The following GABRG3 variants were observed in gnomAD, a reference collection of about 807,000 sequenced individuals.
The protein encoded by GABRG3 is gamma-aminobutyric acid receptor subunit gamma-3.
GABRG3 carries 25 observed loss-of-function variants against 48.8 expected under a neutral mutation model. That is an observed-to-expected ratio of 0.51 (90% CI 0.37 to 0.72). The LOEUF is 0.72. Among genes scored for constraint, GABRG3 ranks in the 30% least tolerant of loss-of-function variants. The pLI is 0.00. For missense variants in GABRG3, 394 were observed against 577.9 expected (o/e 0.68, Z 3.26); for synonymous variants, 227 against 217.6 (o/e 1.04, Z -0.38).
chr15:27,246,587 AT>A (rs1007992673), intron 3 of GABRG3, among the ~76,000 whole-genome samples: 5 of 151,832 alleles, frequency 3.3e-5, no homozygotes, highest in Admixed American at 1.3e-4. Context: ...CTTAGCTTAA[AT>A]TTTTTTTTAT....
chr15:27,022,944 A>C (rs1895923665), intron 2 of GABRG3, among the ~76,000 whole-genome samples: 1 of 152,180 alleles, frequency 6.6e-6, no homozygotes, highest in African/African-American at 2.4e-5. Flanking sequence ...GGACCACCTC[A>C]ATCCATCAAC....
intron 3 of GABRG3, among the ~76,000 whole-genome samples, chr15:27,211,009 C>T (rs903649562): frequency 3.3e-5 from 5 of 152,130 alleles, no homozygotes; most frequent in Non-Finnish European, 5.9e-5. Flanking sequence ...AGAGAAATAT[C>T]AGAATTATCA....
intron 5 of GABRG3, among the ~76,000 whole-genome samples, chr15:27,356,086 T>C (rs985112607): frequency 9.9e-5 from 15 of 152,192 alleles, no homozygotes; most frequent in Non-Finnish European, 1.6e-4. Flanking sequence ...ACCTTTATAG[T>C]ATGTGAATTA....
At chr15:27,139,979 C>T (rs1898074771) in intron 3 of GABRG3, among the ~76,000 whole-genome samples, 1 of 152,206 alleles carries the variant, frequency 6.6e-6, no homozygotes, top group Non-Finnish European at 1.5e-5. Context: ...GTTCAGAGAG[C>T]TTCCGGACAG....
At chr15:27,161,015 C>T (rs1157841829) in intron 3 of GABRG3, 4 of 151,994 alleles carry the variant, frequency 2.6e-5, no homozygotes, top group Non-Finnish European at 4.4e-5. Flanking sequence ...GGGGCTGGTG[C>T]ACCCACCTGT....
rs1290215447 is a variant in GABRG3 at position 27,319,245 on chromosome 15, A to G, written c.271-7564A>G. Among the ~76,000 whole-genome samples the G allele has an allele frequency of 2.6e-5, 4 of 152,184 alleles. No homozygotes were observed. In the South Asian group the frequency reaches 6.2e-4, roughly 24 times the overall value. On this transcript the variant is annotated intron_variant, in intron 3 of 9. Coordinates refer to ENST00000615808, the MANE Select transcript of GABRG3 (RefSeq NM_033223.5). This position sits in a 1 kb window ranked among gnomAD's most constrained non-coding sequence, Gnocchi z 4.4. ...GGGAAAAAAATGTCTGAAACCAACA[A>G]GGGCTCCAGTGAGCCTCGGTCACTG...
intron 3 of GABRG3, among the ~76,000 whole-genome samples, chr15:27,316,305 G>A (rs941365783): frequency 1.5e-4 from 22 of 148,884 alleles, no homozygotes; most frequent in East Asian, 1.0e-3. Flanking sequence ...GGAGAATGGC[G>A]TGAACCCGGG....
At chr15:27,354,790 A>G (rs1230062950) in intron 5 of GABRG3, among the ~76,000 whole-genome samples, 12 of 152,218 alleles carry the variant, frequency 7.9e-5, no homozygotes, top group African/African-American at 1.9e-4. Flanking sequence ...GTCTATCACA[A>G]TCTTATGGAA....
intron 5 of GABRG3, among the ~76,000 whole-genome samples, chr15:27,455,744 G>A (rs1889254709): frequency 6.6e-6 from 1 of 150,966 alleles, no homozygotes; most frequent in Non-Finnish European, 1.5e-5. Context: ...TTTGTGTGTG[G>A]TGTGTGTGTG....
intron 5 of GABRG3, among the ~76,000 whole-genome samples, chr15:27,439,909 T>A (rs7166836): frequency 0.054 from 8,239 of 152,222 alleles, 757 homozygotes; most frequent in African/African-American, 0.19. Context: ...ACCAGAGACC[T>A]TATTGCGTTC....
At chr15:27,214,522 T>A (rs1889178535) in intron 3 of GABRG3, among the ~76,000 whole-genome samples, 1 of 122,764 alleles carries the variant, frequency 8.1e-6, no homozygotes, top group South Asian at 3.0e-4. Context: ...AGAAAAAAGC[T>A]GAATCTTGTT....
At chr15:27,045,178 G>A (rs1896341297) in intron 3 of GABRG3, among the ~76,000 whole-genome samples, 1 of 152,198 alleles carries the variant, frequency 6.6e-6, no homozygotes, top group Non-Finnish European at 1.5e-5. Flanking sequence ...AAGGAGCATG[G>A]CCTAGATCAG....
At chr15:27,137,324 C>G (rs571866263) in intron 3 of GABRG3, among the ~76,000 whole-genome samples, 2 of 152,282 alleles carry the variant, frequency 1.3e-5, no homozygotes, top group South Asian at 4.1e-4. Context: ...TGGCCTAGCA[C>G]GTGGTGGGTG....
chr15:27,039,980 C>T (rs1330116210), intron 3 of GABRG3, among the ~76,000 whole-genome samples: 6 of 152,228 alleles, frequency 3.9e-5, no homozygotes, highest in Non-Finnish European at 8.8e-5. Flanking sequence ...CTTCTCTTTT[C>T]TGCTCCCTCC....
At chr15:27,159,481 T>TAA (rs552767337) in intron 3 of GABRG3, among the ~76,000 whole-genome samples, 12 of 145,146 alleles carry the variant, frequency 8.3e-5, no homozygotes. Flanking sequence ...GACTCCATCT[T>TAA]AAAAAAAAAA....
chr15:27,120,961 C>T (rs1158075849), intron 3 of GABRG3, among the ~76,000 whole-genome samples: 1 of 152,104 alleles, frequency 6.6e-6, no homozygotes, highest in Admixed American at 6.5e-5. Flanking sequence ...ACTTAGTTGA[C>T]CTTAAAATAA....
At chr15:27,516,738 C>G (rs1359477289) in intron 6 of GABRG3, among the ~76,000 whole-genome samples, 1 of 152,154 alleles carries the variant, frequency 6.6e-6, no homozygotes, top group Non-Finnish European at 1.5e-5. Context: ...CTTACTAACT[C>G]TAAAATAAAT....
chr15:27,312,042 A>G (rs1255038572), intron 3 of GABRG3, among the ~76,000 whole-genome samples: 1 of 152,174 alleles, frequency 6.6e-6, no homozygotes, highest in Non-Finnish European at 1.5e-5. Flanking sequence ...TAGAATAACT[A>G]TTATAAAGAT....
intron 3 of GABRG3, among the ~76,000 whole-genome samples, chr15:27,217,023 C>T (rs1000427170): frequency 2.1e-5 from 3 of 142,572 alleles, no homozygotes; most frequent in Non-Finnish European, 3.0e-5. Context: ...TGAGAATATG[C>T]GGTGTTTGGT....
Sources: allele counts gnomAD v4.1 joint callset (sites outside exome capture counted in the v4.1 genomes callset), GRCh38; gene constraint gnomAD v4.1.1; non-coding constraint Gnocchi (gnomAD v3.1); transcripts MANE v1.5; gene names NCBI Gene and HGNC (gene_info 2026-07-23, HGNC 2026-07-21).